NAA35: variants seen among roughly 807,000 people sequenced by gnomAD.
The protein encoded by NAA35 is N-alpha-acetyltransferase 35, NatC auxiliary subunit, also known as MAK10 homolog, amino-acid N-acetyltransferase subunit.
Under a neutral mutation model 101.7 loss-of-function variants are expected in NAA35, and 18 were observed. The ratio of observed to expected loss-of-function variants is 0.18; its 90% CI spans 0.12 to 0.26. The LOEUF (loss-of-function observed/expected upper bound fraction) is 0.26. NAA35 is among the 10% of genes least tolerant of loss of function. NAA35 has a pLI of 1.00. For missense variants in NAA35, 601 were observed against 886.8 expected (o/e 0.68, Z 4.09); for synonymous variants, 267 against 273.1 (o/e 0.98, Z 0.22).
chr9:85,999,128 T>C (rs1564316649), intron 12 of NAA35, among the ~76,000 whole-genome samples: 1 of 152,348 alleles, frequency 6.6e-6, no homozygotes, highest in Non-Finnish European at 1.5e-5. Context: ...ATTGCTCTTA[T>C]TCTGTCATAA....
At chr9:85,942,425 CTAATTT>C in intron 2 of NAA35, 142 bp downstream of exon 2, 1 of 1,109,218 alleles carries the variant, frequency 9.0e-7, no homozygotes, top group Non-Finnish European at 1.3e-6. Flanking sequence ...TCTGTATCCT[CTAATTT>C]TAACTTTAAA....
At chr9:85,956,768 T>C (rs1044599939) in intron 3 of NAA35, among the ~76,000 whole-genome samples, 1 of 152,192 alleles carries the variant, frequency 6.6e-6, no homozygotes, top group African/African-American at 2.4e-5. Flanking sequence ...TTAGTCAGTT[T>C]AGTGTTGTTG....
intron 19 of NAA35, 46 bp downstream of exon 19, chr9:86,017,611 C>G (rs746417002): frequency 7.0e-7 from 1 of 1,425,844 alleles, no homozygotes; most frequent in Non-Finnish European, 9.7e-7. Flanking sequence ...AGCTATATCC[C>G]TATTATATAG....
chr9:86,018,516 G>A (rs959352077), intron 20 of NAA35, 121 bp downstream of exon 20: 27 of 1,324,146 alleles, frequency 2.0e-5, no homozygotes, highest in Non-Finnish European at 2.7e-5. Context: ...AATAATATGA[G>A]GTAGCATATG....
chr9:85,971,929 A>G (rs1038283432), intron 6 of NAA35, among the ~76,000 whole-genome samples: 5 of 151,832 alleles, frequency 3.3e-5, no homozygotes, highest in African/African-American at 9.7e-5. Context: ...TGTTGGATAG[A>G]GTCCAATGTC....
intron 3 of NAA35, among the ~76,000 whole-genome samples, chr9:85,957,186 T>G (rs1485765183): frequency 6.6e-6 from 1 of 152,192 alleles, no homozygotes; most frequent in Non-Finnish European, 1.5e-5. Flanking sequence ...GATTAACACA[T>G]ATTTTGTATG....
At position 85,996,338 on chromosome 9, in the gene NAA35, A is replaced by G. The variant is rs1011814537; in HGVS notation, c.878-61A>G. On this transcript the variant is annotated intron_variant, in intron 11 of 22. Coordinates refer to ENST00000361671, the MANE Select transcript of NAA35 (RefSeq NM_024635.4). ...AACTGGCATTTTTATATTTAATAAC[A>G]TTTGCAGTTTAAAATTCAGAGAAAA... 1.5e-5 allele frequency: 17 copies of G among 1,121,886 alleles called. No homozygotes were observed. In the South Asian group the frequency reaches 2.1e-4, roughly 14 times the overall value. The allele number at this position is 1,121,886 out of a possible 1,614,324, so 69.5% of individuals were successfully genotyped here. A position where few individuals can be genotyped will look rare whatever the true frequency, so the allele number is the denominator to read the frequency against.
intron 12 of NAA35, among the ~76,000 whole-genome samples, chr9:85,996,784 T>C (rs969941390): frequency 6.6e-5 from 10 of 152,294 alleles, no homozygotes; most frequent in South Asian, 6.2e-4. Context: ...ACATACATAC[T>C]GTTTAATCCT....
At chr9:86,012,644 C>A (rs192534347) in intron 15 of NAA35, among the ~76,000 whole-genome samples, 41 of 152,274 alleles carry the variant, frequency 2.7e-4, no homozygotes, top group African/African-American at 9.4e-4. Flanking sequence ...GAACCATAGT[C>A]AAGCTTTATG....
At chr9:85,964,605 T>G (rs1391713456) in intron 6 of NAA35, among the ~76,000 whole-genome samples, 2 of 152,264 alleles carry the variant, frequency 1.3e-5, no homozygotes, top group African/African-American at 4.8e-5. Context: ...TCAGCTTTTC[T>G]TTGTCTCTGG....
At chr9:85,984,822 G>A (rs569811474) in intron 11 of NAA35, among the ~76,000 whole-genome samples, 19 of 152,164 alleles carry the variant, frequency 1.2e-4, no homozygotes, top group African/African-American at 4.3e-4. Context: ...TCCACATGCC[G>A]GAGGATAAAG....
At chr9:85,952,848 A>G (rs760242706) in intron 2 of NAA35, among the ~76,000 whole-genome samples, 9 of 152,192 alleles carry the variant, frequency 5.9e-5, no homozygotes, top group Non-Finnish European at 1.2e-4. Flanking sequence ...AATAATTTTT[A>G]CTGCTTTATC....
At chr9:86,008,831 T>A (rs1007875635) in intron 14 of NAA35, among the ~76,000 whole-genome samples, 2 of 152,208 alleles carry the variant, frequency 1.3e-5, no homozygotes, top group Admixed American at 1.3e-4. Context: ...ATTTTAGGAG[T>A]TCAGAAGTTT....
At chr9:85,997,403 G>A (rs1294556313) in intron 12 of NAA35, among the ~76,000 whole-genome samples, 1 of 151,096 alleles carries the variant, frequency 6.6e-6, no homozygotes, top group African/African-American at 2.4e-5. Flanking sequence ...GTGCAGTGGT[G>A]TGATCTTAGC....
At chr9:85,995,773 A>G (rs1035996478) in intron 11 of NAA35, among the ~76,000 whole-genome samples, 6 of 152,180 alleles carry the variant, frequency 3.9e-5, no homozygotes, top group African/African-American at 1.4e-4. Flanking sequence ...GTTTGGAGCT[A>G]TGCACTAGTG....
intron 17 of NAA35, chr9:86,015,534 C>G (rs1466230974): frequency 5.8e-6 from 1 of 171,572 alleles, no homozygotes; most frequent in Non-Finnish European, 1.2e-5. Flanking sequence ...GGGCTAAGTT[C>G]CTAGAATTCC....
Position 85,956,346 on chromosome 9 carries a change from C to CTTT in NAA35, c.125-5_125-3dup. Reference sequence around the variant, plus strand: ...ATAAATATGTTCAAAGGGTTTTTCTCTTTTTTTTTTTAGAATTAAAGTTGG... The same window carrying CTTT: ...ATAAATATGTTCAAAGGGTTTTTCTCTTTTTTTTTTTTTTAGAATTAAAGTTGG... On this transcript the variant is annotated splice_polypyrimidine_tract_variant and intron_variant, in intron 2 of 22. Transcript: ENST00000361671. 8 of 1,069,254 alleles carry CTTT rather than the reference C, an allele frequency of 7.5e-6. No homozygotes were observed. The highest frequency in any genetic ancestry group is 3.3e-5 in the East Asian group (1 of 30,052). The allele number at this position is 1,069,254 out of a possible 1,614,324, so 66.2% of individuals were successfully genotyped here.
intron 2 of NAA35, among the ~76,000 whole-genome samples, chr9:85,955,360 A>T (rs28378629): frequency 0.82 from 44,867 of 54,944 alleles, 18,644 homozygotes; most frequent in Middle Eastern, 0.88. Context: ...ATATATATAT[A>T]TTTTTTTTTT....
chr9:85,960,019 G>T, intron 5 of NAA35, 152 bp downstream of exon 5: 5 of 516,272 alleles, frequency 9.7e-6, no homozygotes, highest in Admixed American at 3.6e-5. Flanking sequence ...CCTAGTAATA[G>T]CATTTCATCT....
Sources: allele counts gnomAD v4.1 joint callset (sites outside exome capture counted in the v4.1 genomes callset), GRCh38; gene constraint gnomAD v4.1.1; transcripts MANE v1.5; gene names NCBI Gene and HGNC (gene_info 2026-07-23, HGNC 2026-07-21).